The following RICTOR variants were observed in gnomAD, a reference collection of about 807,000 sequenced individuals.
The protein encoded by RICTOR is RPTOR independent companion of MTOR complex 2.
Under a neutral mutation model 214.9 loss-of-function variants are expected in RICTOR, and 49 were observed. The ratio of observed to expected loss-of-function variants is 0.23; its 90% CI spans 0.18 to 0.29. RICTOR has a LOEUF of 0.29. RICTOR is among the 10% of genes least tolerant of loss of function. RICTOR has a pLI of 1.00. For synonymous variants in RICTOR, 717 were observed against 711.3 expected, an observed-to-expected ratio of 1.01 and a Z score of -0.13; for missense variants, 1,625 against 2,047.0, an observed-to-expected ratio of 0.79 and a Z score of 3.98.
chr5:38,939,091 T>C lies in RICTOR; in HGVS notation c.*3213A>G. ...ATGCAAAAATAACTGCAGTTATAAT[T>C]TGAATGACAGACAATTTGGTTTTTA... On this transcript the variant is annotated 3_prime_UTR_variant, in exon 38 of 38. Coordinates refer to ENST00000357387, the MANE Select transcript of RICTOR (RefSeq NM_152756.5). The C allele has an allele frequency of 4.3e-6, 1 of 233,118 alleles. No individual in the cohort carries two copies. Among genetic ancestry groups the C allele is most frequent in the Non-Finnish European group, 8.5e-6 (1 of 117,706 alleles). 14.4% of individuals were successfully genotyped at this position (233,118 alleles called of 1,614,324 possible). A position where few individuals can be genotyped will look rare whatever the true frequency, so the allele number is the denominator to read the frequency against.
At chr5:38,944,841 G>A (rs1747997864) in intron 35 of RICTOR, 72 bp downstream of exon 35, 7 of 1,439,866 alleles carry the variant, frequency 4.9e-6, no homozygotes, top group East Asian at 2.3e-5. Context: ...CAGTATTTAC[G>A]AAAAACAAAA....
chr5:39,050,130 C>G (rs1390094385), intron 2 of RICTOR, among the ~76,000 whole-genome samples: 1 of 151,240 alleles, frequency 6.6e-6, no homozygotes, highest in African/African-American at 2.4e-5. Context: ...ACAGATTACC[C>G]AAAAGGAAGG....
rs141910801 is a variant in RICTOR at position 39,023,968 on chromosome 5, T to C, written c.98-2832A>G. Among the ~76,000 whole-genome samples, 267 of 152,306 alleles carry C rather than the reference T, an allele frequency of 1.8e-3. 1 individual carries two copies. Among genetic ancestry groups the C allele is most frequent in the African/African-American group, 6.1e-3 (255 of 41,554 alleles). On this transcript the variant is annotated intron_variant, in intron 2 of 37. Coordinates refer to ENST00000357387, the MANE Select transcript of RICTOR (RefSeq NM_152756.5). Reference sequence around the variant, plus strand: ...ATTTAGTGTGGCAGTCCCCAACCTTTTGGACACCAGGGACAGGTTCTGTGG... The same window carrying C: ...ATTTAGTGTGGCAGTCCCCAACCTTCTGGACACCAGGGACAGGTTCTGTGG...
intron 26 of RICTOR, 137 bp from the exon 27 acceptor site, chr5:38,954,998 G>A (rs941157055): frequency 5.4e-5 from 26 of 478,240 alleles, no homozygotes; most frequent in African/African-American, 5.1e-4. Flanking sequence ...AAAGTAACAA[G>A]GAATGAGGAT....
chr5:38,966,241 AC>A (rs1363262675), intron 15 of RICTOR, among the ~76,000 whole-genome samples: 2 of 152,260 alleles, frequency 1.3e-5, no homozygotes, highest in African/African-American at 2.4e-5. Flanking sequence ...TCAGGCACTG[AC>A]TACCATGTAT....
intron 7 of RICTOR, among the ~76,000 whole-genome samples, chr5:38,985,483 T>G (rs946720453): frequency 6.6e-6 from 1 of 152,214 alleles, no homozygotes; most frequent in African/African-American, 2.4e-5. Context: ...CTTATTTTAC[T>G]TGTTACATTT....
intron 3 of RICTOR, among the ~76,000 whole-genome samples, chr5:39,017,427 A>G (rs1041841712): frequency 1.8e-4 from 27 of 152,126 alleles, no homozygotes; most frequent in African/African-American, 6.5e-4. Flanking sequence ...TCTCACCACC[A>G]TGTTGAAGAA....
chr5:39,038,674 T>C lies in RICTOR; in HGVS notation c.98-17538A>G, dbSNP rs546107911. Among the ~76,000 whole-genome samples the C allele has an allele frequency of 5.4e-3, 827 of 151,984 alleles. 9 individuals carry two copies. Among genetic ancestry groups the C allele is most frequent in the African/African-American group, 0.019 (783 of 41,472 alleles). On this transcript the variant is annotated intron_variant, in intron 2 of 37. Coordinates refer to ENST00000357387, the MANE Select transcript of RICTOR (RefSeq NM_152756.5). Reference sequence around the variant, plus strand: ...AATCACAAGCATTCTTATACACCAATAACAGACAGACAGCCAAATCATGAG... The same window carrying C: ...AATCACAAGCATTCTTATACACCAACAACAGACAGACAGCCAAATCATGAG...
chr5:39,063,214 A>G (rs1200111067), intron 2 of RICTOR, among the ~76,000 whole-genome samples: 1 of 152,202 alleles, frequency 6.6e-6, no homozygotes, highest in Non-Finnish European at 1.5e-5. Context: ...AGACATTTAT[A>G]GACTCATAGT....
rs1215708049 is a variant in RICTOR at position 38,939,294 on chromosome 5, A to C, written c.*3010T>G. On this transcript the variant is annotated 3_prime_UTR_variant, in exon 38 of 38. Transcript: ENST00000357387. ...TGAATTATCTCAAGCTCTAGATAAA[A>C]GAGCTGAAACCCATTAAAGTTGTCA... The C allele has an allele frequency of 4.3e-6, 1 of 232,446 alleles. No homozygotes were observed. Among genetic ancestry groups the C allele is most frequent in the African/African-American group, 2.2e-5 (1 of 45,310 alleles). 14.4% of individuals were successfully genotyped at this position (232,446 alleles called of 1,614,324 possible). A position where few individuals can be genotyped will look rare whatever the true frequency, so the allele number is the denominator to read the frequency against.
chr5:38,990,002 T>A (rs1307470763), intron 7 of RICTOR, among the ~76,000 whole-genome samples: 1 of 151,822 alleles, frequency 6.6e-6, no homozygotes, highest in Non-Finnish European at 1.5e-5. Context: ...CATTACTGGG[T>A]ATATTTACAA....
chr5:38,939,347 T>C lies in RICTOR; in HGVS notation c.*2957A>G, dbSNP rs1358540553. ...TCAAAAGGACTTGTACACATTATGT[T>C]AATAATGTATATACTTCCAAAGAGC... On this transcript the variant is annotated 3_prime_UTR_variant, in exon 38 of 38. Coordinates refer to ENST00000357387, the MANE Select transcript of RICTOR (RefSeq NM_152756.5). The C allele has an allele frequency of 8.6e-6, 2 of 232,298 alleles. No homozygotes were observed. The highest frequency in any genetic ancestry group is 1.7e-5 in the Non-Finnish European group (2 of 117,572). The allele number at this position is 232,298 out of a possible 1,614,324, so 14.4% of individuals were successfully genotyped here. A position where few individuals can be genotyped will look rare whatever the true frequency, so the allele number is the denominator to read the frequency against.
intron 2 of RICTOR, among the ~76,000 whole-genome samples, chr5:39,040,211 G>A (rs970744770): frequency 7.9e-5 from 12 of 150,960 alleles, no homozygotes; most frequent in African/African-American, 2.9e-4. Context: ...GCAAACTATT[G>A]CAAGGACAAA....
At chr5:39,030,236 G>A (rs1298686637) in intron 2 of RICTOR, among the ~76,000 whole-genome samples, 1 of 152,006 alleles carries the variant, frequency 6.6e-6, no homozygotes, top group African/African-American at 2.4e-5. Context: ...ATCTAAAACT[G>A]TTATTAATGA....
At position 38,941,071 on chromosome 5, in the gene RICTOR, CAT is replaced by C. The variant is rs1262766005; in HGVS notation, c.*1231_*1232del. The C allele has an allele frequency of 8.6e-6, 2 of 232,556 alleles. No individual in the cohort carries two copies. The highest frequency in any genetic ancestry group is 4.4e-5 in the African/African-American group (2 of 45,284). 14.4% of individuals were successfully genotyped at this position (232,556 alleles called of 1,614,324 possible). A position where few individuals can be genotyped will look rare whatever the true frequency, so the allele number is the denominator to read the frequency against. On this transcript the variant is annotated 3_prime_UTR_variant, in exon 38 of 38. Transcript: ENST00000357387. Reference sequence around the variant, plus strand: ...CATGCTATTTTTATATACAAATTTGCATATATGTTTAATTCCTGTAAAAAGTT... The same window carrying C: ...CATGCTATTTTTATATACAAATTTGCATATGTTTAATTCCTGTAAAAAGTT...
At chr5:39,052,766 C>A in intron 2 of RICTOR, among the ~76,000 whole-genome samples, 1 of 152,166 alleles carries the variant, frequency 6.6e-6, no homozygotes, top group Admixed American at 6.6e-5. Context: ...ACCTAGAGAG[C>A]CTCCTTCTTT....
At position 38,939,019 on chromosome 5, in the gene RICTOR, T is replaced by A. The variant is rs186218594; in HGVS notation, c.*3285A>T. On this transcript the variant is annotated 3_prime_UTR_variant, in exon 38 of 38. Transcript: ENST00000357387. ...TACTTCCAAAGAACATTTCCCAAAG[T>A]AGTTTACAAAGTTCATCTCACACAA... 239 of 233,086 alleles carry A rather than the reference T, an allele frequency of 1.0e-3. No homozygotes were observed. The highest frequency in any genetic ancestry group is 1.6e-3 in the Non-Finnish European group (187 of 117,718). 14.4% of individuals were successfully genotyped at this position (233,086 alleles called of 1,614,324 possible). A position where few individuals can be genotyped will look rare whatever the true frequency, so the allele number is the denominator to read the frequency against.
intron 2 of RICTOR, among the ~76,000 whole-genome samples, chr5:39,024,396 A>C (rs2150140583): frequency 6.6e-6 from 1 of 152,324 alleles, no homozygotes; most frequent in African/African-American, 2.4e-5. Context: ...AGGGGCCATG[A>C]ATAGGTCACT....
At chr5:38,974,180 G>A (rs1339017578) in intron 10 of RICTOR, among the ~76,000 whole-genome samples, 1 of 151,960 alleles carries the variant, frequency 6.6e-6, no homozygotes, top group Non-Finnish European at 1.5e-5. Context: ...CTCCCGAGTA[G>A]CTGGGATTAC....
Sources: gnomAD v4.1 joint callset for allele counts (sites outside exome capture counted in the v4.1 genomes callset) on GRCh38, gnomAD v4.1.1 for gene constraint, MANE v1.5 for transcripts, NCBI Gene and HGNC (gene_info 2026-07-23, HGNC 2026-07-21) for gene names.